The following BRAF variants were observed in gnomAD, a reference collection of about 807,000 sequenced individuals.
BRAF encodes the protein B-Raf proto-oncogene, serine/threonine kinase.
A neutral mutation model predicts 104.6 loss-of-function variants in BRAF; 16 were observed. That is an observed-to-expected ratio of 0.15 (90% CI 0.10 to 0.23). The LOEUF (loss-of-function observed/expected upper bound fraction) is 0.23, where lower values mean the gene tolerates loss of function less well. Ranked by LOEUF, BRAF falls within the 10% of genes least tolerant of loss-of-function variation. The pLI is 1.00. For missense variants in BRAF, 541 were observed against 937.3 expected, an observed-to-expected ratio of 0.58 and a Z score of 5.52; for synonymous variants, 310 against 341.6, an observed-to-expected ratio of 0.91 and a Z score of 1.02.
intron 8 of BRAF, among the ~76,000 whole-genome samples, chr7:140,788,367 A>G (rs1051922957): frequency 1.3e-5 from 2 of 152,210 alleles, no homozygotes; most frequent in African/African-American, 4.8e-5. Flanking sequence ...TCTCTATTAT[A>G]GGCATTTTGA....
intron 1 of BRAF, among the ~76,000 whole-genome samples, chr7:140,870,511 A>G (rs1811458108): frequency 6.6e-6 from 1 of 152,056 alleles, no homozygotes; most frequent in African/African-American, 2.4e-5. Context: ...AAAATGCCCT[A>G]TCTGCAGAGT....
At chr7:140,766,458 A>G (rs1799333155) in intron 14 of BRAF, among the ~76,000 whole-genome samples, 1 of 152,108 alleles carries the variant, frequency 6.6e-6, no homozygotes, top group Non-Finnish European at 1.5e-5. Context: ...AAACAAAACA[A>G]CAACAAAAAA....
At chr7:140,719,305 CGT>C (rs1394228694), downstream of BRAF, 2 of 898,704 alleles carry the variant, frequency 2.2e-6, no homozygotes, top group African/African-American at 3.6e-5. Flanking sequence ...TGAATGTAAT[CGT>C]GTTAGAAAAA....
intron 1 of BRAF, among the ~76,000 whole-genome samples, chr7:140,906,657 A>C (rs1310059885): frequency 1.3e-5 from 2 of 152,226 alleles, no homozygotes; most frequent in African/African-American, 4.8e-5. Context: ...CTTTAGAAAG[A>C]GCTGATGGAG....
At chr7:140,814,972 T>C (rs1389448452) in intron 3 of BRAF, among the ~76,000 whole-genome samples, 1 of 151,560 alleles carries the variant, frequency 6.6e-6, no homozygotes, top group Non-Finnish European at 1.5e-5. Flanking sequence ...GTGCAGACGA[T>C]TATATGCCTT....
At chr7:140,791,460 T>C (rs1000731145) in intron 8 of BRAF, among the ~76,000 whole-genome samples, 2 of 152,064 alleles carry the variant, frequency 1.3e-5, no homozygotes, top group African/African-American at 4.8e-5. Context: ...AGCCAGCCCA[T>C]AAAGGAGACA....
intron 19 of BRAF, among the ~76,000 whole-genome samples, chr7:140,727,644 G>A (rs1414752254): frequency 6.0e-5 from 9 of 150,538 alleles, no homozygotes; most frequent in South Asian, 2.1e-4. Context: ...TTTTTGAGAC[G>A]GAGTCTTGCT....
intron 3 of BRAF, among the ~76,000 whole-genome samples, chr7:140,832,567 C>G (rs1286274951): frequency 6.6e-6 from 1 of 152,150 alleles, no homozygotes; most frequent in African/African-American, 2.4e-5. Context: ...GAGTTTAATA[C>G]CACAAACCCA....
intron 14 of BRAF, among the ~76,000 whole-genome samples, chr7:140,759,879 G>C (rs1417193177): frequency 6.6e-6 from 1 of 152,150 alleles, no homozygotes; most frequent in African/African-American, 2.4e-5. Context: ...TTCAGGTCTG[G>C]GGTGGTATCT....
In BRAF at chr7:140,801,417, T is replaced by C. The variant is rs376575252; in HGVS notation, c.855A>G (p.Gln285=). 18 of 1,613,716 alleles carry C rather than the reference T, an allele frequency of 1.1e-5. No homozygotes were observed. In the South Asian group the frequency reaches 1.5e-4, roughly 14 times the overall value. The change falls in exon 6 of 20, where the codon CAA becomes CAG. Residue 285 remains glutamine (Q), a synonymous_variant. Coordinates refer to ENST00000644969, the MANE Select transcript of BRAF (RefSeq NM_001374258.1). The stretch of plus-strand genomic sequence containing the variant: ...GATATTTTTGGATTACTTACTCAAG[T>C]TGGTCATAATTAACACACATCAGTG... The part of the protein sequence containing the change: ...EVPLMCVNYD[Q]LDLLFVSKFF...
chr7:140,777,530 A>G (rs935210549), intron 13 of BRAF, among the ~76,000 whole-genome samples: 1 of 152,170 alleles, frequency 6.6e-6, no homozygotes, highest in Admixed American at 6.5e-5. Context: ...TGAACATAAC[A>G]GCCTTCTGTG....
At chr7:140,764,093 T>C (rs1367306965) in intron 14 of BRAF, among the ~76,000 whole-genome samples, 3 of 151,996 alleles carry the variant, frequency 2.0e-5, no homozygotes, top group Non-Finnish European at 2.9e-5. Flanking sequence ...AAAAAGCTTA[T>C]TCACCATGAT....
intron 4 of BRAF, chr7:140,808,421 T>G (rs944058677): frequency 5.0e-6 from 2 of 396,132 alleles, no homozygotes; most frequent in African/African-American, 4.4e-5. Flanking sequence ...AAAAGAGTAC[T>G]CAAGGGACAG....
At chr7:140,718,412 G>A (rs1795184288), downstream of BRAF, among the ~76,000 whole-genome samples, 1 of 152,214 alleles carries the variant, frequency 6.6e-6, no homozygotes, top group Non-Finnish European at 1.5e-5. Context: ...CACCACAGCC[G>A]GATAATTTTG....
At chr7:140,770,399 G>A (rs1437182785) in intron 14 of BRAF, among the ~76,000 whole-genome samples, 1 of 151,820 alleles carries the variant, frequency 6.6e-6, no homozygotes, top group African/African-American at 2.4e-5. Flanking sequence ...CTTATTTTGA[G>A]AATATAATGC....
Position 140,719,877 on chromosome 7 carries a change from C to T in BRAF, c.*6617G>A, listed in dbSNP as rs889043315. On this transcript the variant is annotated 3_prime_UTR_variant, in exon 20 of 20. Transcript: ENST00000644969. The stretch of plus-strand genomic sequence containing the variant: ...GAGTGGAACTGAAGTGTACTAAACC[C>T]GAACCTTTGGCAGTAACAGAAAAGA... 7.5e-6 allele frequency: 8 copies of T among 1,062,390 alleles called. No homozygotes were observed. The highest frequency in any genetic ancestry group is 4.9e-5 in the African/African-American group (3 of 60,908). The allele number at this position is 1,062,390 out of a possible 1,614,324, so 65.8% of individuals were successfully genotyped here. A position where few individuals can be genotyped will look rare whatever the true frequency, so the allele number is the denominator to read the frequency against.
At chr7:140,750,088 T>C (rs1797667267) in intron 16 of BRAF, among the ~76,000 whole-genome samples, 1 of 152,230 alleles carries the variant, frequency 6.6e-6, no homozygotes, top group Non-Finnish European at 1.5e-5. Flanking sequence ...TTTTTACACA[T>C]TTCAGTCATT....
intron 2 of BRAF, among the ~76,000 whole-genome samples, chr7:140,844,320 T>G (rs1247387064): frequency 6.6e-6 from 1 of 152,238 alleles, no homozygotes; most frequent in African/African-American, 2.4e-5. Flanking sequence ...TTGTTCTCTG[T>G]TACTTTTGCT....
intron 1 of BRAF, among the ~76,000 whole-genome samples, chr7:140,877,244 A>G (rs1286226003): frequency 7.4e-6 from 1 of 134,956 alleles, no homozygotes; most frequent in African/African-American, 2.8e-5. Context: ...ACAGTGAATT[A>G]ATATCATTAA....
Sources: gnomAD v4.1 joint callset for allele counts (sites outside exome capture counted in the v4.1 genomes callset) on GRCh38, gnomAD v4.1.1 for gene constraint, MANE v1.5 for transcripts, NCBI Gene and HGNC (gene_info 2026-07-23, HGNC 2026-07-21) for gene names.